Variants in SPTBN1 observed in about 807,000 individuals in gnomAD.
SPTBN1 encodes spectrin beta, non-erythrocytic 1, also known as spectrin beta chain, non-erythrocytic 1.
A neutral mutation model predicts 266.4 loss-of-function variants in SPTBN1; 32 were observed. The observed-to-expected ratio is 0.12, with a 90% CI of 0.09 to 0.16. SPTBN1 has a LOEUF of 0.16. Ranked by LOEUF, SPTBN1 falls within the 10% of genes least tolerant of loss-of-function variation. The pLI is 1.00. For missense variants in SPTBN1, 2,296 were observed against 3,067.1 expected, an observed-to-expected ratio of 0.75 and a Z score of 5.94; for synonymous variants, 1,336 against 1,162.2, an observed-to-expected ratio of 1.15 and a Z score of -3.04.
At chr2:54,621,890 A>G (rs575786200) in intron 8 of SPTBN1, among the ~76,000 whole-genome samples, 7 of 152,312 alleles carry the variant, frequency 4.6e-5, no homozygotes, top group South Asian at 2.1e-4. Context: ...CATGTTTTCA[A>G]AACACCTCAG....
chr2:54,569,006 C>T (rs1364888127), intron 2 of SPTBN1, among the ~76,000 whole-genome samples: 2 of 152,250 alleles, frequency 1.3e-5, no homozygotes, highest in South Asian at 2.1e-4. Context: ...CAGGTTTTAG[C>T]GCTAATAGTG....
At chr2:54,618,469 T>C (rs1440202588) in intron 7 of SPTBN1, among the ~76,000 whole-genome samples, 1 of 152,200 alleles carries the variant, frequency 6.6e-6, no homozygotes, top group African/African-American at 2.4e-5. Flanking sequence ...GAAGGTATGC[T>C]TGAGGGCTAA....
intron 2 of SPTBN1, among the ~76,000 whole-genome samples, chr2:54,585,704 A>G (rs774672274): frequency 7.2e-5 from 11 of 152,188 alleles, no homozygotes; most frequent in African/African-American, 1.2e-4. Flanking sequence ...TACTCCTTAC[A>G]TTTTTAAAGA....
rs1476861841 is a variant in SPTBN1, at chr2:54,670,901, G to A, written c.*2332G>A. On this transcript the variant is annotated 3_prime_UTR_variant, in exon 36 of 36. Coordinates refer to ENST00000356805, the MANE Select transcript of SPTBN1 (RefSeq NM_003128.3). ...GACGTGTTCGCCATCAGAGGTTACAGGCCGCACAGCCTGATGAGCTTCAAG... is the reference window on the plus strand; with the variant it reads ...GACGTGTTCGCCATCAGAGGTTACAAGCCGCACAGCCTGATGAGCTTCAAG... The A allele has an allele frequency of 2.5e-5, 10 of 398,200 alleles. No individual in the cohort carries two copies. Among genetic ancestry groups the A allele is most frequent in the Non-Finnish European group, 4.4e-5 (10 of 226,034 alleles). 24.7% of individuals were successfully genotyped at this position (398,200 alleles called of 1,614,324 possible).
At chr2:54,595,304 G>C (rs954256132) in intron 2 of SPTBN1, among the ~76,000 whole-genome samples, 2 of 152,150 alleles carry the variant, frequency 1.3e-5, no homozygotes, top group African/African-American at 4.8e-5. Flanking sequence ...AGTAAACTGC[G>C]GGAGGGTGGG....
chr2:54,605,158 T>C (rs1676758449), intron 3 of SPTBN1, among the ~76,000 whole-genome samples: 2 of 152,202 alleles, frequency 1.3e-5, no homozygotes, highest in African/African-American at 4.8e-5. Flanking sequence ...CTCCATTGTG[T>C]TTAATTCTCT....
At chr2:54,606,768 C>T (rs1676871392) in intron 3 of SPTBN1, among the ~76,000 whole-genome samples, 1 of 152,226 alleles carries the variant, frequency 6.6e-6, no homozygotes, top group East Asian at 1.9e-4. Flanking sequence ...TCTTCTAGGG[C>T]GGCACCGATT....
intron 17 of SPTBN1, among the ~76,000 whole-genome samples, chr2:54,637,466 A>G (rs1679227701): frequency 6.6e-6 from 1 of 152,210 alleles, no homozygotes; most frequent in Non-Finnish European, 1.5e-5. Context: ...AAATTTGTAT[A>G]GATCATTTGA....
intron 1 of SPTBN1, among the ~76,000 whole-genome samples, chr2:54,522,674 GAGAGGA>G (rs1429560299): frequency 1.2e-4 from 11 of 94,516 alleles, no homozygotes; most frequent in African/African-American, 3.6e-4. Flanking sequence ...GAGAGAGAGA[GAGAGGA>G]GAGAGAGAGA....
At chr2:54,657,227 G>T (rs1051013770) in intron 29 of SPTBN1, among the ~76,000 whole-genome samples, 32 of 152,228 alleles carry the variant, frequency 2.1e-4, no homozygotes, top group African/African-American at 7.7e-4. Flanking sequence ...CCCACCATCT[G>T]TAGTGTTCCC....
intron 18 of SPTBN1, 43 bp downstream of exon 18, chr2:54,637,846 A>G (rs1188573641): frequency 6.7e-7 from 1 of 1,484,230 alleles, no homozygotes; most frequent in Non-Finnish European, 9.3e-7. Flanking sequence ...TTCCAGTAAT[A>G]GCAATTGCCA....
intron 2 of SPTBN1, among the ~76,000 whole-genome samples, chr2:54,598,315 T>C (rs1676240595): frequency 2.0e-5 from 3 of 152,210 alleles, no homozygotes; most frequent in Non-Finnish European, 4.4e-5. Context: ...GGAGATTATA[T>C]TTTTCTTCTC....
rs1349885731 is a variant in SPTBN1, at chr2:54,629,373, C to A, written c.2239C>A (p.His747Asn). The A allele has an allele frequency of 1.2e-6, 2 of 1,614,028 alleles. No individual in the cohort carries two copies. The highest frequency in any genetic ancestry group is 2.7e-5 in the African/African-American group (2 of 74,946). Residue 747 changes from histidine to asparagine, a missense_variant, in exon 14 of 36, where the codon CAC becomes AAC. Physicochemically the swap from His to Asn is moderately conservative, Grantham distance 68 (BLOSUM62 1). Coordinates refer to ENST00000356805, the MANE Select transcript of SPTBN1 (RefSeq NM_003128.3). ...GCGCCTGGAGGAGGCCTCCCTGCTG[C>A]ACCAGTTCCAGGCAGATGCTGATGA... ...KKRLEEASLL[H>N]QFQADADDID...
At chr2:54,598,754 A>G (rs1676271553) in intron 2 of SPTBN1, among the ~76,000 whole-genome samples, 1 of 152,192 alleles carries the variant, frequency 6.6e-6, no homozygotes, top group Admixed American at 6.5e-5. Flanking sequence ...TTCAGCAGGG[A>G]TGGGAGAAAA....
At chr2:54,462,380 C>A (rs764530007) in intron 1 of SPTBN1, among the ~76,000 whole-genome samples, 3 of 152,204 alleles carry the variant, frequency 2.0e-5, no homozygotes, top group African/African-American at 7.2e-5. Context: ...TTAATACAGT[C>A]TGAAGAGACC....
intron 1 of SPTBN1, among the ~76,000 whole-genome samples, chr2:54,500,966 C>T (rs1558783595): frequency 1.3e-5 from 2 of 152,184 alleles, no homozygotes; most frequent in East Asian, 1.9e-4. Context: ...TCTTTATAGA[C>T]GAGGAAATTG....
intron 2 of SPTBN1, among the ~76,000 whole-genome samples, chr2:54,537,295 A>T (rs573190295): frequency 2.6e-5 from 4 of 152,242 alleles, no homozygotes; most frequent in African/African-American, 9.6e-5. Flanking sequence ...ATGACTGAAT[A>T]TCCTTGTTTC....
At position 54,650,103 on chromosome 2, in the gene SPTBN1, A is replaced by G. The variant is rs1044723973; in HGVS notation, c.5577+114A>G. 3.0e-6 allele frequency: 4 copies of G among 1,349,398 alleles called. No homozygotes were observed. In the African/African-American group the frequency reaches 5.8e-5, roughly 20 times the overall value. 83.6% of individuals were successfully genotyped at this position (1,349,398 alleles called of 1,614,324 possible). A position where few individuals can be genotyped will look rare whatever the true frequency, so the allele number is the denominator to read the frequency against. Reference sequence around the variant, plus strand: ...GCTCTTCAAAAGAATTGCCCCAATTAAGCACATACATGTACCCACTTTGTA... The same window carrying G: ...GCTCTTCAAAAGAATTGCCCCAATTGAGCACATACATGTACCCACTTTGTA... On this transcript the variant is annotated intron_variant, in intron 26 of 35. Coordinates refer to ENST00000356805, the MANE Select transcript of SPTBN1 (RefSeq NM_003128.3).
rs1201141791 is a variant in SPTBN1 at position 54,617,688 on chromosome 2, G to A, written c.647G>A (p.Arg216Gln). The stretch of plus-strand genomic sequence containing the variant: ...TTCAATGCACTGATACACAAACACC[G>A]GTAAGTCCATACAAATCATCCTAGC... ...MAFNALIHKH[R>Q]PDLIDFDKLK... The change falls in exon 6 of 36, where the codon CGG (arginine) becomes CAG (glutamine). Residue 216 changes from arginine (R) to glutamine (Q), a missense_variant and splice_region_variant. Physicochemically the swap from Arg to Gln is conservative, Grantham distance 43 (BLOSUM62 1). This residue lies in a region of SPTBN1 where 178 missense variants were observed against 375.7 expected (regional missense o/e 0.47). Coordinates refer to ENST00000356805, the MANE Select transcript of SPTBN1 (RefSeq NM_003128.3). 5.6e-6 allele frequency: 9 copies of A among 1,613,770 alleles called. No individual in the cohort carries two copies. Among genetic ancestry groups the A allele is most frequent in the Admixed American group, 1.7e-5 (1 of 59,958 alleles).
Sources: gnomAD v4.1 joint callset for allele counts (sites outside exome capture counted in the v4.1 genomes callset) on GRCh38, gnomAD v4.1.1 for gene constraint, gnomAD v4.1.1 regional missense constraint, MANE v1.5 for transcripts, NCBI Gene and HGNC (gene_info 2026-07-23, HGNC 2026-07-21) for gene names.